The following ARHGAP6 variants were observed in gnomAD, a reference collection of about 807,000 sequenced individuals.
The protein encoded by ARHGAP6 is Rho GTPase activating protein 6.
ARHGAP6 carries 16 observed loss-of-function variants against 55.7 expected under a neutral mutation model. The ratio of observed to expected loss-of-function variants is 0.29; its 90% CI spans 0.19 to 0.44. The LOEUF (loss-of-function observed/expected upper bound fraction) is 0.44, where lower values mean the gene tolerates loss of function less well. Among genes scored for constraint, ARHGAP6 ranks in the 20% least tolerant of loss-of-function variants. ARHGAP6 has a pLI of 1.00. For synonymous variants in ARHGAP6, 382 were observed against 360.9 expected (o/e 1.06, Z -0.66); for missense variants, 698 against 808.9 (o/e 0.86, Z 1.66).
At chrX:11,370,676 A>T (rs897283617) in intron 1 of ARHGAP6, among the ~76,000 whole-genome samples, 1 of 111,985 alleles carries the variant, frequency 8.9e-6, no homozygotes, top group African/African-American at 3.2e-5. Context: ...ATAATTTTCC[A>T]TTGATTAATT....
At chrX:11,575,617 C>T (rs1441958769) in intron 1 of ARHGAP6, among the ~76,000 whole-genome samples, 1 of 111,785 alleles carries the variant, frequency 8.9e-6, no homozygotes, top group Non-Finnish European at 1.9e-5. Flanking sequence ...AAAGCCAGCA[C>T]CTTTAGAATT....
intron 2 of ARHGAP6, among the ~76,000 whole-genome samples, chrX:11,223,996 G>A (rs2047009499): frequency 8.9e-6 from 1 of 112,044 alleles, no homozygotes; most frequent in African/African-American, 3.2e-5. Flanking sequence ...GAAGATTTCA[G>A]CTGCCATTAC....
chrX:11,520,816 A>G (rs181722454), intron 1 of ARHGAP6, among the ~76,000 whole-genome samples: 1 of 111,736 alleles, frequency 8.9e-6, no homozygotes, highest in Non-Finnish European at 1.9e-5. Flanking sequence ...CATCCTCTCC[A>G]GCACCTGTTG....
chrX:11,532,394 T>A (rs936075286), intron 1 of ARHGAP6, among the ~76,000 whole-genome samples: 1 of 112,497 alleles, frequency 8.9e-6, no homozygotes, highest in African/African-American at 3.2e-5. Flanking sequence ...AGACTGTGGG[T>A]ACACTGCTAT....
intron 1 of ARHGAP6, among the ~76,000 whole-genome samples, chrX:11,337,162 A>AG (rs757106949): frequency 2.7e-5 from 3 of 110,981 alleles, no homozygotes; most frequent in Non-Finnish European, 3.8e-5. Flanking sequence ...TAGGAAAAAA[A>AG]TACACAAGGG....
At chrX:11,174,639 C>CTTTCTTTCTTTCTCTTTCT (rs2046171113) in intron 8 of ARHGAP6, among the ~76,000 whole-genome samples, 2 of 62,329 alleles carry the variant, frequency 3.2e-5, no homozygotes, top group Non-Finnish European at 5.7e-5. Context: ...TTCTTTCTTT[C>CTTTCTTTCTTTCTCTTTCT]TTTCTTTCTT....
intron 1 of ARHGAP6, among the ~76,000 whole-genome samples, chrX:11,492,620 T>C: frequency 9.0e-6 from 1 of 111,587 alleles, no homozygotes; most frequent in Non-Finnish European, 1.9e-5. Context: ...GTTAATATAG[T>C]TGTGGAAAAA....
rs573998085 is a variant in ARHGAP6 at position 11,199,153 on chromosome X, G to C, written c.749-2157C>G. On this transcript the variant is annotated intron_variant, in intron 2 of 12. Coordinates refer to ENST00000337414, the MANE Select transcript of ARHGAP6 (RefSeq NM_013427.3). ...TGATTGCTATATAGTAGGGGTTTTT[G>C]GTATGAATATACCACAGTTCATTTC... is the stretch of plus-strand genomic sequence containing the variant. Among the ~76,000 whole-genome samples the C allele has an allele frequency of 5.0e-4, 56 of 111,787 alleles. No individual in the cohort carries two copies. The South Asian group carries it at 0.019, about 38-fold the overall frequency.
chrX:11,557,371 A>C (rs1310360960), intron 1 of ARHGAP6, among the ~76,000 whole-genome samples: 1 of 111,813 alleles, frequency 8.9e-6, no homozygotes, highest in Non-Finnish European at 1.9e-5. Context: ...AGTTTGTATG[A>C]GTAACAAATG....
At chrX:11,360,762 T>G (rs1440582408) in intron 1 of ARHGAP6, among the ~76,000 whole-genome samples, 1 of 111,260 alleles carries the variant, frequency 9.0e-6, no homozygotes, top group Non-Finnish European at 1.9e-5. Flanking sequence ...AAAACCCCAT[T>G]GTCTCAGCCC....
chrX:11,157,531 C>T (rs1395832449), intron 9 of ARHGAP6, among the ~76,000 whole-genome samples: 1 of 112,197 alleles, frequency 8.9e-6, no homozygotes, highest in Non-Finnish European at 1.9e-5. Flanking sequence ...TGGAAATGTT[C>T]TATAAGAGAT....
chrX:11,450,063 C>T (rs1293800941), intron 1 of ARHGAP6, among the ~76,000 whole-genome samples: 1 of 111,502 alleles, frequency 9.0e-6, no homozygotes, highest in African/African-American at 3.3e-5. Flanking sequence ...CCCTAGATAC[C>T]AACAACAAGG....
intron 1 of ARHGAP6, among the ~76,000 whole-genome samples, chrX:11,501,317 G>A (rs1054070011): frequency 3.6e-5 from 4 of 111,239 alleles, no homozygotes; most frequent in African/African-American, 9.8e-5. Context: ...GGGTGTGATG[G>A]TGCACACCGG....
intron 1 of ARHGAP6, among the ~76,000 whole-genome samples, chrX:11,516,099 A>G (rs753287252): frequency 5.3e-5 from 6 of 112,635 alleles, no homozygotes; most frequent in Non-Finnish European, 9.4e-5. Flanking sequence ...CCATGTTTTT[A>G]TTTACAAAAA....
At chrX:11,575,596 C>T (rs1285354004) in intron 1 of ARHGAP6, among the ~76,000 whole-genome samples, 1 of 111,564 alleles carries the variant, frequency 9.0e-6, no homozygotes, top group Non-Finnish European at 1.9e-5. Flanking sequence ...GAAGGGCGAC[C>T]ACATGCCTTC....
intron 2 of ARHGAP6, among the ~76,000 whole-genome samples, chrX:11,229,325 G>T (rs766708719): frequency 8.9e-6 from 1 of 112,199 alleles, no homozygotes; most frequent in Non-Finnish European, 1.9e-5. Context: ...TGTCAGTGCT[G>T]AGCCATTGGC....
chrX:11,614,954 T>C (rs1264614320), intron 1 of ARHGAP6, among the ~76,000 whole-genome samples: 1 of 107,636 alleles, frequency 9.3e-6, no homozygotes, highest in Non-Finnish European at 1.9e-5. Flanking sequence ...AAAAAAAAGG[T>C]GGAGACACAT....
intron 2 of ARHGAP6, among the ~76,000 whole-genome samples, chrX:11,216,463 G>A (rs1253771675): frequency 9.0e-6 from 1 of 111,368 alleles, no homozygotes; most frequent in Non-Finnish European, 1.9e-5. Flanking sequence ...AGACCAGCCT[G>A]GCGAAAATGG....
intron 2 of ARHGAP6, among the ~76,000 whole-genome samples, chrX:11,212,438 CT>C: frequency 8.9e-6 from 1 of 112,602 alleles, no homozygotes; most frequent in East Asian, 2.8e-4. Flanking sequence ...TAGAGCACTG[CT>C]TTCAGAGATT....
Sources: allele counts gnomAD v4.1 joint callset (sites outside exome capture counted in the v4.1 genomes callset), GRCh38; gene constraint gnomAD v4.1.1; transcripts MANE v1.5; gene names NCBI Gene and HGNC (gene_info 2026-07-23, HGNC 2026-07-21).